The following SEMA3F variants were observed in gnomAD, a reference collection of about 807,000 sequenced individuals.
SEMA3F encodes semaphorin-3F.
A neutral mutation model predicts 98.5 loss-of-function variants in SEMA3F; 30 were observed. The ratio of observed to expected loss-of-function variants is 0.30; its 90% confidence interval spans 0.23 to 0.41. SEMA3F has a LOEUF of 0.41. Among genes scored for constraint, SEMA3F ranks in the 10% least tolerant of loss-of-function variants. The probability of loss-of-function intolerance (pLI) is 1.00; values close to 1 mark genes in which losing one functional copy is unlikely to be tolerated. For missense variants in SEMA3F, 866 were observed against 1,119.3 expected, an observed-to-expected ratio of 0.77 and a Z score of 3.23; for synonymous variants, 380 against 444.8, an observed-to-expected ratio of 0.85 and a Z score of 1.83.
intron 10 of SEMA3F, 76 bp downstream of exon 10, chr3:50,183,094 C>A: frequency 6.4e-7 from 1 of 1,571,694 alleles, no homozygotes; most frequent in Admixed American, 1.7e-5. Flanking sequence ...ATCAGGGTGC[C>A]TTTGGTGGGC....
intron 2 of SEMA3F, among the ~76,000 whole-genome samples, chr3:50,169,169 C>A (rs1698512778): frequency 6.6e-6 from 1 of 152,172 alleles, no homozygotes; most frequent in Non-Finnish European, 1.5e-5. Context: ...TGGAGACCAG[C>A]AGCAAGGGGT....
intron 16 of SEMA3F, 51 bp downstream of exon 16, chr3:50,186,097 T>C (rs780832594): frequency 1.0e-5 from 16 of 1,556,262 alleles, no homozygotes; most frequent in Non-Finnish European, 1.2e-5. Flanking sequence ...CAGGGCCCTA[T>C]CCTAGGGGAT....
chr3:50,176,714 C>A, intron 6 of SEMA3F, 54 bp from the exon 7 acceptor site: 1 of 1,359,938 alleles, frequency 7.4e-7, no homozygotes, highest in Non-Finnish European at 1.0e-6. Context: ...GACCCTTACA[C>A]TTCCTGGCTG....
At chr3:50,163,340 G>A (rs1449599309) in intron 2 of SEMA3F, among the ~76,000 whole-genome samples, 4 of 152,160 alleles carry the variant, frequency 2.6e-5, no homozygotes, top group Admixed American at 6.5e-5. Flanking sequence ...CACTGAGCAG[G>A]GTCCCTAGGA....
At chr3:50,168,153 C>T (rs989886006) in intron 2 of SEMA3F, among the ~76,000 whole-genome samples, 6 of 152,046 alleles carry the variant, frequency 3.9e-5, no homozygotes, top group Non-Finnish European at 8.8e-5. Flanking sequence ...TAGGGAGGCC[C>T]TCTGGGTCTC....
rs932135462 is a variant in SEMA3F, at chr3:50,166,705, C to A, written c.112+6971C>A. On this transcript the variant is annotated intron_variant, in intron 2 of 18. Transcript: ENST00000002829. The surrounding 1 kb of genome is among the most constrained non-coding windows in gnomAD (Gnocchi z 4.7). Reference sequence around the variant, plus strand: ...GACCGCAGGAATCCGAGGAAGGCCGCAGAGATGGGGGCTGGGCCCAGGGGA... The same window carrying A: ...GACCGCAGGAATCCGAGGAAGGCCGAAGAGATGGGGGCTGGGCCCAGGGGA... Among the ~76,000 whole-genome samples the A allele has an allele frequency of 6.6e-6, 1 of 152,098 alleles. No homozygotes were observed. Among genetic ancestry groups the A allele is most frequent in the Non-Finnish European group, 1.5e-5 (1 of 68,028 alleles).
At position 50,155,428 on chromosome 3, in the gene SEMA3F, CCCGGCTGAGGCGCAGCGGCGAGA is replaced by C. The variant is rs1211677857; in HGVS notation, c.-184_-162del. The C allele has an allele frequency of 3.6e-6, 1 of 278,034 alleles. No homozygotes were observed. The highest frequency in any genetic ancestry group is 7.2e-5 in the East Asian group (1 of 13,862). 17.2% of individuals were successfully genotyped at this position (278,034 alleles called of 1,614,324 possible). On this transcript the variant is annotated 5_prime_UTR_variant, in exon 1 of 19. Transcript: ENST00000002829. The surrounding 1 kb of genome is among the most constrained non-coding windows in gnomAD (Gnocchi z 4.9). ...GTTAAGCCGCGGCCGCGGCGCCGAT[CCCGGCTGAGGCGCAGCGGCGAGA>C]GGTCGCGGGCAGGGCCATGGCCCCG...
chr3:50,175,432 G>A (rs575491218), intron 6 of SEMA3F, among the ~76,000 whole-genome samples: 7 of 152,262 alleles, frequency 4.6e-5, no homozygotes, highest in Non-Finnish European at 1.0e-4. Flanking sequence ...GAAGACAGGA[G>A]CCCTGGGGAC....
intron 12 of SEMA3F, 129 bp from the exon 13 acceptor site, chr3:50,184,463 G>C: frequency 1.4e-6 from 1 of 692,594 alleles, no homozygotes; most frequent in Admixed American, 2.3e-5. Context: ...GAAACTTGGA[G>C]AGCGGGTTTG....
At chr3:50,184,962 T>C (rs1469589390) in intron 13 of SEMA3F, 148 bp downstream of exon 13, 1 of 645,432 alleles carries the variant, frequency 1.5e-6, no homozygotes, top group South Asian at 1.9e-5. Context: ...CTTCTCCCTA[T>C]TGATGGGATA....
rs1157125810 is a variant in SEMA3F at position 50,155,332 on chromosome 3, C to T, written c.-281C>T. On this transcript the variant is annotated 5_prime_UTR_variant, in exon 1 of 19. Coordinates refer to ENST00000002829, the MANE Select transcript of SEMA3F (RefSeq NM_004186.5). The surrounding 1 kb of genome is among the most constrained non-coding windows in gnomAD (Gnocchi z 4.9). ...CCAGGGGAGGCGGCCCCGAGCGCCC[C>T]TGAGCCTTCCCATGGCCCGGGCTGG... The T allele has an allele frequency of 3.3e-6, 1 of 303,880 alleles. No homozygotes were observed. Among genetic ancestry groups the T allele is most frequent in the African/African-American group, 2.2e-5 (1 of 45,062 alleles). The allele number at this position is 303,880 out of a possible 1,614,324, so 18.8% of individuals were successfully genotyped here. A position where few individuals can be genotyped will look rare whatever the true frequency, so the allele number is the denominator to read the frequency against.
At position 50,188,237 on chromosome 3, in the gene SEMA3F, G is replaced by A. The variant is rs1699311381; in HGVS notation, c.*122G>A. ...TCTATACACACCCTGCCCCTGCAAA[G>A]ACAGTATTTATTGGTGGGTTGAATA... On this transcript the variant is annotated 3_prime_UTR_variant, in exon 19 of 19. Transcript: ENST00000002829. The surrounding 1 kb of genome is among the most constrained non-coding windows in gnomAD (Gnocchi z 4.5). 2 of 353,922 alleles carry A rather than the reference G, an allele frequency of 5.7e-6. No individual in the cohort carries two copies. Among genetic ancestry groups the A allele is most frequent in the Admixed American group, 5.1e-5 (1 of 19,422 alleles). 21.9% of individuals were successfully genotyped at this position (353,922 alleles called of 1,614,324 possible).
chr3:50,174,869 G>A (rs1235954806), intron 5 of SEMA3F, among the ~76,000 whole-genome samples: 1 of 152,190 alleles, frequency 6.6e-6, no homozygotes, highest in African/African-American at 2.4e-5. Flanking sequence ...GTGAGCTGGC[G>A]TGAACTTGTA....
Position 50,173,821 on chromosome 3 carries a change from C to A in SEMA3F, c.141C>A (p.Phe47Leu), listed in dbSNP as rs770660254. The change falls in exon 3 of 19, where the codon TTC (phenylalanine) becomes TTA (leucine). Residue 47 changes from phenylalanine (F) to leucine (L), a missense_variant. Transcript: ENST00000002829. ...KELKATGTAH[F>L]FNFLLNTTDY... ...TGAAGGCCACAGGCACCGCCCACTT[C>A]TTCAACTTCCTGCTCAACACAACCG... The A allele has an allele frequency of 8.7e-6, 14 of 1,614,002 alleles. No homozygotes were observed. In the East Asian group the frequency reaches 2.0e-4, roughly 23 times the overall value.
At chr3:50,177,938 A>G (rs1698875768) in intron 7 of SEMA3F, among the ~76,000 whole-genome samples, 1 of 151,926 alleles carries the variant, frequency 6.6e-6, no homozygotes, top group South Asian at 2.1e-4. Flanking sequence ...ACAACAATAA[A>G]AAGTAACAAA....
At position 50,155,391 on chromosome 3, in the gene SEMA3F, C is replaced by G. The variant is rs1697933732; in HGVS notation, c.-222C>G. ...CCCTCGGCTGCTGACGCGCCCGAAG[C>G]CCGCGGAACCGGTTAAGCCGCGGCC... On this transcript the variant is annotated 5_prime_UTR_variant, in exon 1 of 19. Transcript: ENST00000002829. This position sits in a 1 kb window ranked among gnomAD's most constrained non-coding sequence, Gnocchi z 4.9. 3.5e-6 allele frequency: 1 copy of G among 286,304 alleles called. No individual in the cohort carries two copies. The highest frequency in any genetic ancestry group is 2.2e-5 in the African/African-American group (1 of 44,568). 17.7% of individuals were successfully genotyped at this position (286,304 alleles called of 1,614,324 possible).
chr3:50,179,611 C>T (rs1011709853), intron 7 of SEMA3F, among the ~76,000 whole-genome samples: 2 of 152,244 alleles, frequency 1.3e-5, no homozygotes, highest in Non-Finnish European at 2.9e-5. Flanking sequence ...GAGGTGTAAG[C>T]CACTGGCCCT....
chr3:50,165,941 G>A (rs984011779), intron 2 of SEMA3F, among the ~76,000 whole-genome samples: 5 of 152,128 alleles, frequency 3.3e-5, no homozygotes, highest in Admixed American at 6.5e-5. Flanking sequence ...GGGGCTCATC[G>A]GGCTGACGGG....
At chr3:50,183,718 T>G (rs1559737240) in intron 12 of SEMA3F, 154 bp downstream of exon 12, 12 of 775,400 alleles carry the variant, frequency 1.5e-5, no homozygotes, top group Middle Eastern at 6.5e-4. Context: ...TCACACACAG[T>G]GTCAAGCTGT....
Sources: gnomAD v4.1 joint callset for allele counts (sites outside exome capture counted in the v4.1 genomes callset) on GRCh38, gnomAD v4.1.1 for gene constraint, Gnocchi (gnomAD v3.1) non-coding constraint, MANE v1.5 for transcripts, NCBI Gene and HGNC (gene_info 2026-07-23, HGNC 2026-07-21) for gene names.